The following IVL variants were observed in gnomAD, a reference collection of about 807,000 sequenced individuals.
The protein encoded by IVL is involucrin.
For missense variants in IVL, 722 were observed against 624.9 expected, an observed-to-expected ratio of 1.16 and a Z score of -1.66; for synonymous variants, 257 against 271.0, an observed-to-expected ratio of 0.95 and a Z score of 0.51.
chr1:152,910,476 G>A lies in IVL; in HGVS notation c.679G>A (p.Glu227Lys), dbSNP rs11807064. 8.3e-7 allele frequency: 1 copy of A among 1,205,252 alleles called. No homozygotes were observed. The highest frequency in any genetic ancestry group is 1.1e-6 in the Non-Finnish European group (1 of 936,300). The allele number at this position is 1,205,252 out of a possible 1,614,324, so 74.7% of individuals were successfully genotyped here. A position where few individuals can be genotyped will look rare whatever the true frequency, so the allele number is the denominator to read the frequency against. ...EQQEGQLELP[E>K]QQEGQLELPQ... is the part of the protein sequence containing the mutation. Reference sequence around the variant, plus strand: ...GCAGGAGGGGCAGCTGGAGCTCCCAGAGCAGCAGGAGGGGCAGCTGGAGCT... The same window carrying A: ...GCAGGAGGGGCAGCTGGAGCTCCCAAAGCAGCAGGAGGGGCAGCTGGAGCT... Residue 227 changes from glutamate to lysine, a missense_variant, in exon 2 of 2, where the codon GAG becomes AAG. Glu to Lys is a moderately conservative substitution (Grantham distance 56). Transcript: ENST00000368764.
At position 152,910,335 on chromosome 1, in the gene IVL, G is replaced by A. The variant is rs75111974; in HGVS notation, c.538G>A (p.Glu180Lys). Residue 180 changes from glutamate to lysine, a missense_variant, in exon 2 of 2, where the codon GAG becomes AAG. By Grantham distance (56) the Glu-to-Lys change is moderately conservative. Transcript: ENST00000368764. ...EGQLKHPEQQ[E>K]GQLELPEQQE... ...ACAGCTGAAGCACCCGGAGCAGCAG[G>A]AGGGGCAGCTGGAGCTCCCAGAGCA... 2,657 of 1,567,982 alleles carry A rather than the reference G, an allele frequency of 1.7e-3. 36 individuals are homozygous for A. In the African/African-American group the frequency reaches 0.035, roughly 21 times the overall value.
At chr1:152,909,547 T>C (rs1208741987) in intron 1 of IVL, among the ~76,000 whole-genome samples, 3 of 152,194 alleles carry the variant, frequency 2.0e-5, no homozygotes, top group Non-Finnish European at 2.9e-5. Flanking sequence ...GATCTCCTTG[T>C]TGGCTCTCAC....
chr1:152,909,959 G>A lies in IVL; in HGVS notation c.162G>A (p.Glu54=), dbSNP rs764232043. ...CQKVPVELPV[E]VPSKQEEKHM... Reference sequence around the variant, plus strand: ...AGGTGCCTGTCGAGCTCCCAGTGGAGGTCCCATCAAAGCAAGAGGAAAAGC... The same window carrying A: ...AGGTGCCTGTCGAGCTCCCAGTGGAAGTCCCATCAAAGCAAGAGGAAAAGC... Residue 54 remains glutamate, a synonymous_variant, in exon 2 of 2, where the codon GAG becomes GAA. Transcript: ENST00000368764. 6.2e-7 allele frequency: 1 copy of A among 1,614,150 alleles called. No homozygotes were observed.
In IVL at chr1:152,910,920, C is replaced by A. The variant is rs574760560; in HGVS notation, c.1123C>A (p.Gln375Lys). Residue 375 changes from glutamine to lysine, a missense_variant, in exon 2 of 2, where the codon CAG (glutamine) becomes AAG (lysine). Gln to Lys is a moderately conservative substitution (Grantham distance 53). Transcript: ENST00000368764. The part of the protein sequence containing the change: ...LPEQQVLQLK[Q>K]LEKQQGQPKH... ...AGAGCAGCAGGTGCTGCAGCTGAAG[C>A]AGCTAGAGAAGCAGCAGGGGCAGCC... The A allele has an allele frequency of 1.3e-6, 2 of 1,549,854 alleles. No homozygotes were observed. The highest frequency in any genetic ancestry group is 2.4e-5 in the South Asian group (2 of 83,962).
In IVL at chr1:152,911,539, C is replaced by T. The variant is rs1236919513; in HGVS notation, c.1742C>T (p.Pro581Leu). ...HQQQKQEVQW[P>L]PKHK The stretch of plus-strand genomic sequence containing the variant: ...CAGCAGAAGCAGGAGGTGCAGTGGC[C>T]ACCCAAACATAAATAACCACCCGCA... The change falls in exon 2 of 2, where the codon CCA (proline) becomes CTA (leucine). Residue 581 changes from proline to leucine, a missense_variant. Transcript: ENST00000368764. 6.2e-7 allele frequency: 1 copy of T among 1,611,426 alleles called. No homozygotes were observed. Among genetic ancestry groups the T allele is most frequent in the Non-Finnish European group, 8.5e-7 (1 of 1,178,650 alleles).
rs916491123 is a variant in IVL at position 152,911,322 on chromosome 1, C to T, written c.1525C>T (p.His509Tyr). 1.3e-6 allele frequency: 2 copies of T among 1,582,382 alleles called. No individual in the cohort carries two copies. Among genetic ancestry groups the T allele is most frequent in the African/African-American group, 2.7e-5 (2 of 74,126 alleles). ...AAAGCACCTGGAACAGCAGGAAAAG[C>T]ACCTAGAGCACCCAGAGCAGCAGGA... ...QPKHLEQQEKHLEHPEQQDGQ... is the reference protein window; with the variant it reads ...QPKHLEQQEKYLEHPEQQDGQ... Residue 509 changes from histidine (H) to tyrosine (Y), a missense_variant, in exon 2 of 2, where the codon CAC (histidine) becomes TAC (tyrosine). Transcript: ENST00000368764.
rs1250464909 is a variant in IVL, at chr1:152,910,876, A to G, written c.1079A>G (p.Glu360Gly). The G allele has an allele frequency of 5.2e-6, 8 of 1,550,244 alleles. No homozygotes were observed. The South Asian group carries it at 9.5e-5, about 18-fold the overall frequency. The change falls in exon 2 of 2, where the codon GAA (glutamate) becomes GGA (glycine). Residue 360 changes from glutamate (E) to glycine (G), a missense_variant. Coordinates refer to ENST00000368764, the MANE Select transcript of IVL (RefSeq NM_005547.4). ...CAGCTGGAGCACCTGGAGCACCAGG[A>G]AGGGCAGCTGGGGCTCCCAGAGCAG... is the stretch of plus-strand genomic sequence containing the variant. ...EGQLEHLEHQ[E>G]GQLGLPEQQV... is the part of the protein sequence containing the mutation.
Position 152,911,695 on chromosome 1 carries a change from G to C in IVL, c.*140G>C. 1.2e-6 allele frequency: 1 copy of C among 833,456 alleles called. No homozygotes were observed. The highest frequency in any genetic ancestry group is 1.9e-6 in the Non-Finnish European group (1 of 528,462). The allele number at this position is 833,456 out of a possible 1,614,324, so 51.6% of individuals were successfully genotyped here. A position where few individuals can be genotyped will look rare whatever the true frequency, so the allele number is the denominator to read the frequency against. On this transcript the variant is annotated 3_prime_UTR_variant, in exon 2 of 2. Transcript: ENST00000368764. ...GTCCCTCTACATGTCTCTTTAATGG[G>C]GTGAGGGTGGGGGAGAGAGGGAATT...
At position 152,911,864 on chromosome 1, in the gene IVL, A is replaced by T. The variant is rs1460709919; in HGVS notation, c.*309A>T. The T allele has an allele frequency of 3.2e-6, 1 of 312,872 alleles. No individual in the cohort carries two copies. Among genetic ancestry groups the T allele is most frequent in the Non-Finnish European group, 6.2e-6 (1 of 161,448 alleles). 19.4% of individuals were successfully genotyped at this position (312,872 alleles called of 1,614,324 possible). On this transcript the variant is annotated 3_prime_UTR_variant, in exon 2 of 2. Coordinates refer to ENST00000368764, the MANE Select transcript of IVL (RefSeq NM_005547.4). ...GAGTGTGTACAATGATACATAATAAATCCTGGAAGTCTTGGGATCCTATAT... is the reference window on the plus strand; with the variant it reads ...GAGTGTGTACAATGATACATAATAATTCCTGGAAGTCTTGGGATCCTATAT...
At position 152,910,695 on chromosome 1, in the gene IVL, G is replaced by A. The variant is rs1649944979; in HGVS notation, c.898G>A (p.Glu300Lys). The A allele has an allele frequency of 1.3e-6, 2 of 1,549,478 alleles. No individual in the cohort carries two copies. Among genetic ancestry groups the A allele is most frequent in the Admixed American group, 2.0e-5 (1 of 50,762 alleles). ...GCAGCTGAAGCACCTGGATCAGCAG[G>A]AGAAGCAGCCAGAGCTCCCAGAGCA... is the stretch of plus-strand genomic sequence containing the variant. ...EGQLKHLDQQ[E>K]KQPELPEQQM... Residue 300 changes from glutamate to lysine, a missense_variant, in exon 2 of 2, where the codon GAG (glutamate) becomes AAG (lysine). By Grantham distance (56) the Glu-to-Lys change is moderately conservative. Coordinates refer to ENST00000368764, the MANE Select transcript of IVL (RefSeq NM_005547.4).
intron 1 of IVL, among the ~76,000 whole-genome samples, chr1:152,908,854 A>C (rs1305095140): frequency 6.6e-6 from 1 of 152,122 alleles, no homozygotes; most frequent in African/African-American, 2.4e-5. Context: ...TATGGAAGGG[A>C]GGAGGGGAAT....
Position 152,910,845 on chromosome 1 carries a change from G to A in IVL, c.1048G>A (p.Glu350Lys), listed in dbSNP as rs373783926. 4.6e-5 allele frequency: 71 copies of A among 1,551,502 alleles called. No individual in the cohort carries two copies. The African/African-American group carries it at 7.0e-4, about 15-fold the overall frequency. Residue 350 changes from glutamate to lysine, a missense_variant, in exon 2 of 2, where the codon GAG becomes AAG. Physicochemically the swap from Glu to Lys is moderately conservative, Grantham distance 56. Transcript: ENST00000368764. ...GCAGCTGAAGCACCTGGAGCAGCAG[G>A]AGGGGCAGCTGGAGCACCTGGAGCA... ...EGQLKHLEQQ[E>K]GQLEHLEHQE... is the part of the protein sequence containing the mutation.
At position 152,910,809 on chromosome 1, in the gene IVL, G is replaced by T. The variant is rs1362986824; in HGVS notation, c.1012G>T (p.Glu338Ter). 4.8e-6 allele frequency: 7 copies of T among 1,465,266 alleles called. No individual in the cohort carries two copies. The highest frequency in any genetic ancestry group is 5.4e-6 in the Non-Finnish European group (6 of 1,104,040). The allele number at this position is 1,465,266 out of a possible 1,614,324, so 90.8% of individuals were successfully genotyped here. A position where few individuals can be genotyped will look rare whatever the true frequency, so the allele number is the denominator to read the frequency against. ...QQEGQLEQLEEQEGQLKHLEQ... is the reference protein window; with the variant it reads ...QQEGQLEQLE ...GGAGGGGCAACTGGAGCAGCTGGAG[G>T]AGCAGGAGGGGCAGCTGAAGCACCT... Residue 338 changes from glutamate (E) to a stop codon, truncating the protein, a stop_gained, in exon 2 of 2, where the codon GAG becomes TAG. Transcript: ENST00000368764. LOFTEE classifies it low-confidence loss of function (END_TRUNC).
intron 1 of IVL, among the ~76,000 whole-genome samples, chr1:152,909,323 T>A (rs1036529715): frequency 1.6e-4 from 24 of 152,186 alleles, no homozygotes; most frequent in Admixed American, 1.6e-3. Context: ...CATGACCTCT[T>A]AGGTCCTCTC....
Position 152,911,407 on chromosome 1 carries a change from A to G in IVL, c.1610A>G (p.Lys537Arg). Residue 537 changes from lysine to arginine, a missense_variant, in exon 2 of 2, where the codon AAG (lysine) becomes AGG (arginine). Transcript: ENST00000368764. Reference protein sequence around the residue: ...EGQLKDLEQQKGQLEQPVFAP... With the variant: ...EGQLKDLEQQRGQLEQPVFAP... ...CAGCTGAAGGACCTGGAGCAGCAGA[A>G]GGGGCAGCTGGAGCAGCCTGTGTTT... 3.1e-6 allele frequency: 5 copies of G among 1,614,012 alleles called. No homozygotes were observed. The highest frequency in any genetic ancestry group is 4.2e-6 in the Non-Finnish European group (5 of 1,179,906).
At position 152,909,808 on chromosome 1, in the gene IVL, AAC is replaced by A; in HGVS notation, c.18_19del (p.Leu7AlafsTer65). On this transcript the variant is annotated frameshift_variant, in exon 2 of 2. Transcript: ENST00000368764. LOFTEE classifies it low-confidence loss of function (END_TRUNC). ...ACAGTAGCTTCTAAGATGTCCCAGC[AAC>A]ACACACTGCCAGTGACCCTCTCCCC... 1 of 1,612,282 alleles carries A rather than the reference AAC, an allele frequency of 6.2e-7. No homozygotes were observed. The highest frequency in any genetic ancestry group is 8.5e-7 in the Non-Finnish European group (1 of 1,178,958).
rs758398109 is a variant in IVL at position 152,911,135 on chromosome 1, G to C, written c.1338G>C (p.Gln446His). ...QEGQLKHLEQ[Q>H]QGQLEVPEQQ... ...GACAACTGAAGCATCTGGAGCAGCA[G>C]CAGGGGCAGTTGGAGGTCCCAGAGC... The change falls in exon 2 of 2, where the codon CAG (glutamine) becomes CAC (histidine). Residue 446 changes from glutamine to histidine, a missense_variant. Transcript: ENST00000368764. The C allele has an allele frequency of 5.1e-6, 8 of 1,557,522 alleles. No individual in the cohort carries two copies. The highest frequency in any genetic ancestry group is 7.0e-6 in the Non-Finnish European group (8 of 1,150,170).
rs12407682 is a variant in IVL, at chr1:152,911,770, G to T, written c.*215G>T. ...CCCCAATCCCAACCTCAGGTGAGCA[G>T]AGCCTCTACTTGAGGGACTATTGTT... is the stretch of plus-strand genomic sequence containing the variant. On this transcript the variant is annotated 3_prime_UTR_variant, in exon 2 of 2. Transcript: ENST00000368764. 0.19 allele frequency: 108,945 copies of T among 574,954 alleles called. 20,276 individuals carry two copies. The highest frequency in any genetic ancestry group is 0.62 in the East Asian group (20,901 of 33,906). 35.6% of individuals were successfully genotyped at this position (574,954 alleles called of 1,614,324 possible).
intron 1 of IVL, among the ~76,000 whole-genome samples, chr1:152,908,974 C>T (rs1649851947): frequency 6.6e-6 from 1 of 152,150 alleles, no homozygotes; most frequent in Non-Finnish European, 1.5e-5. Context: ...CTATGCTGCA[C>T]AGAGGGATGG....
Sources: gnomAD v4.1 joint callset for allele counts (sites outside exome capture counted in the v4.1 genomes callset) on GRCh38, gnomAD v4.1.1 for gene constraint, MANE v1.5 for transcripts, NCBI Gene and HGNC (gene_info 2026-07-23, HGNC 2026-07-21) for gene names.